PPARGC1A: variants seen among roughly 807,000 people sequenced by gnomAD.
PPARGC1A encodes the protein PPARG coactivator 1 alpha.
A neutral mutation model predicts 88.7 loss-of-function variants in PPARGC1A; 25 were observed. That is an observed-to-expected ratio of 0.28 (90% CI 0.21 to 0.39). The LOEUF is 0.39. PPARGC1A is among the 10% of genes least tolerant of loss of function. The pLI is 1.00. For synonymous variants in PPARGC1A, 363 were observed against 355.6 expected, an observed-to-expected ratio of 1.02 and a Z score of -0.24; for missense variants, 880 against 968.7, an observed-to-expected ratio of 0.91 and a Z score of 1.22.
chr4:23,842,038 A>G (rs1727144556), intron 2 of PPARGC1A, among the ~76,000 whole-genome samples: 1 of 152,054 alleles, frequency 6.6e-6, no homozygotes, highest in Admixed American at 6.6e-5. Flanking sequence ...CTTTCTTTAT[A>G]TTTTGGGATT....
At chr4:23,818,778 ACT>A (rs1214366743) in intron 7 of PPARGC1A, among the ~76,000 whole-genome samples, 3 of 140,210 alleles carry the variant, frequency 2.1e-5, no homozygotes, top group Non-Finnish European at 4.6e-5. Flanking sequence ...TAATTGAATG[ACT>A]CTGATAAATG....
the PPARGC1A span, among the ~76,000 whole-genome samples, chr4:24,181,314 A>T: frequency 6.6e-6 from 1 of 152,166 alleles, no homozygotes; most frequent in Non-Finnish European, 1.5e-5. Context: ...ACTCTGCCTA[A>T]GTATCTTGGG....
chr4:23,795,670 C>G lies in PPARGC1A; in HGVS notation c.*152G>C, dbSNP rs1717453393. On this transcript the variant is annotated 3_prime_UTR_variant, in exon 13 of 13. Coordinates refer to ENST00000264867, the MANE Select transcript of PPARGC1A (RefSeq NM_013261.5). ...CATTGTTGTTATTGTTGTTGTTGTT[C>G]TTGTTGTATTGTTGTTGTTTTGTTT... 3.5e-6 allele frequency: 2 copies of G among 566,632 alleles called. No homozygotes were observed. Among genetic ancestry groups the G allele is most frequent in the South Asian group, 2.3e-5 (1 of 42,754 alleles). 35.1% of individuals were successfully genotyped at this position (566,632 alleles called of 1,614,324 possible). A position where few individuals can be genotyped will look rare whatever the true frequency, so the allele number is the denominator to read the frequency against.
upstream of PPARGC1A, among the ~76,000 whole-genome samples, chr4:23,901,096 G>A (rs1028954462): frequency 2.6e-5 from 4 of 152,110 alleles, no homozygotes; most frequent in South Asian, 2.1e-4. Flanking sequence ...GGCCGGGCAC[G>A]GTGGCTCATG....
intron 2 of PPARGC1A, among the ~76,000 whole-genome samples, chr4:23,858,392 A>G (rs931298362): frequency 2.9e-4 from 44 of 152,196 alleles, no homozygotes; most frequent in Admixed American, 7.2e-4. Flanking sequence ...GGCAGGCACT[A>G]TTTTACAAAA....
At chr4:24,072,585 T>C in the PPARGC1A span, among the ~76,000 whole-genome samples, 1 of 152,094 alleles carries the variant, frequency 6.6e-6, no homozygotes, top group Non-Finnish European at 1.5e-5. Flanking sequence ...TCCTCCAAGA[T>C]CAACAACCCC....
At chr4:23,929,381 T>G in the PPARGC1A span, among the ~76,000 whole-genome samples, 1 of 152,202 alleles carries the variant, frequency 6.6e-6, no homozygotes, top group African/African-American at 2.4e-5. Flanking sequence ...AGATGTTCCA[T>G]CAACCACCAT....
At chr4:24,055,629 T>C in the PPARGC1A span, among the ~76,000 whole-genome samples, 2 of 152,246 alleles carry the variant, frequency 1.3e-5, no homozygotes, top group South Asian at 2.1e-4. Context: ...CATTGAGTTA[T>C]TGGGAAAAGT....
chr4:24,408,120 G>A, the PPARGC1A span, among the ~76,000 whole-genome samples: 1 of 152,134 alleles, frequency 6.6e-6, no homozygotes, highest in African/African-American at 2.4e-5. Context: ...GAACTTGAGT[G>A]AGCTTCTGGA....
chr4:24,187,876 T>C, the PPARGC1A span, among the ~76,000 whole-genome samples: 1 of 152,184 alleles, frequency 6.6e-6, no homozygotes, highest in South Asian at 2.1e-4. Flanking sequence ...CTGGAGTCCC[T>C]TGAACGAGAA....
the PPARGC1A span, among the ~76,000 whole-genome samples, chr4:24,044,342 C>G: frequency 6.6e-6 from 1 of 152,162 alleles, no homozygotes; most frequent in Non-Finnish European, 1.5e-5. Context: ...CGATTCTAAT[C>G]TGAGTTGTAC....
At chr4:23,892,657 T>A (rs1467186834), upstream of PPARGC1A, among the ~76,000 whole-genome samples, 1 of 151,974 alleles carries the variant, frequency 6.6e-6, no homozygotes, top group Non-Finnish European at 1.5e-5. Context: ...CTGCTTTGAC[T>A]ATTTCTCTTA....
At chr4:24,252,941 T>C in the PPARGC1A span, among the ~76,000 whole-genome samples, 5 of 152,342 alleles carry the variant, frequency 3.3e-5, no homozygotes, top group African/African-American at 1.2e-4. Flanking sequence ...ATAGCCTCTA[T>C]ATTATATTTG....
At chr4:24,076,367 A>T in the PPARGC1A span, among the ~76,000 whole-genome samples, 1 of 152,186 alleles carries the variant, frequency 6.6e-6, no homozygotes, top group East Asian at 1.9e-4. Context: ...AGCCCACTCG[A>T]ATCACAATTC....
At chr4:24,177,893 T>G in the PPARGC1A span, among the ~76,000 whole-genome samples, 2 of 152,312 alleles carry the variant, frequency 1.3e-5, no homozygotes, top group South Asian at 2.1e-4. Flanking sequence ...GAGCCACTAC[T>G]TATGTGGAAT....
At chr4:24,015,364 C>T in the PPARGC1A span, among the ~76,000 whole-genome samples, 1 of 152,070 alleles carries the variant, frequency 6.6e-6, no homozygotes, top group African/African-American at 2.4e-5. Context: ...CCAATGAATA[C>T]GCTTTCAGTT....
intron 2 of PPARGC1A, among the ~76,000 whole-genome samples, chr4:23,844,584 A>G (rs1325652520): frequency 8.9e-6 from 1 of 112,398 alleles, no homozygotes; most frequent in Admixed American, 1.2e-4. Flanking sequence ...TTGTTAATAT[A>G]TAATAATTAT....
chr4:23,898,997 G>A (rs1205009369), intron 1 of PPARGC1A, among the ~76,000 whole-genome samples: 4 of 151,858 alleles, frequency 2.6e-5, no homozygotes, highest in African/African-American at 4.8e-5. Context: ...CACGACGCCC[G>A]GCTAATTTTT....
At chr4:24,278,939 G>A in the PPARGC1A span, among the ~76,000 whole-genome samples, 86 of 152,266 alleles carry the variant, frequency 5.6e-4, no homozygotes, top group Admixed American at 3.8e-3. Context: ...CCCCTGAGCC[G>A]AAGCAGCTGA....
Sources: gnomAD v4.1 joint callset for allele counts (sites outside exome capture counted in the v4.1 genomes callset) on GRCh38, gnomAD v4.1.1 for gene constraint, MANE v1.5 for transcripts, NCBI Gene and HGNC (gene_info 2026-07-23, HGNC 2026-07-21) for gene names.